MYOM2: variants seen among roughly 807,000 people sequenced by gnomAD.
MYOM2 encodes myomesin-2.
Under a neutral mutation model 187.6 loss-of-function variants are expected in MYOM2, and 254 were observed. The observed-to-expected ratio is 1.35, with a 90% confidence interval of 1.22 to 1.50. MYOM2 has a LOEUF of 1.50. Among genes scored for constraint, MYOM2 ranks in the 40% most tolerant of loss-of-function variants. The pLI is 0.00. For synonymous variants in MYOM2, 981 were observed against 753.8 expected (o/e 1.30, Z -4.94); for missense variants, 2,796 against 1,924.0 (o/e 1.45, Z -8.48).
At chr8:2,130,419 C>G (rs1797823299) in intron 32 of MYOM2, among the ~76,000 whole-genome samples, 1 of 151,766 alleles carries the variant, frequency 6.6e-6, no homozygotes, top group Non-Finnish European at 1.5e-5. Context: ...TAACGCCCAT[C>G]AGTACGCTAT....
At chr8:2,076,997 G>A (rs971707718) in intron 11 of MYOM2, among the ~76,000 whole-genome samples, 1 of 152,168 alleles carries the variant, frequency 6.6e-6, no homozygotes, top group African/African-American at 2.4e-5. Context: ...AATGAATTTA[G>A]AAATTAGACA....
At chr8:2,144,539 T>G (rs2116931520) in intron 36 of MYOM2, 125 bp from the exon 37 acceptor site, 1 of 1,012,224 alleles carries the variant, frequency 9.9e-7, no homozygotes, top group Non-Finnish European at 1.5e-6. Context: ...AAGGCTTGTT[T>G]CTAAACAAAC....
intron 14 of MYOM2, 121 bp from the exon 15 acceptor site, chr8:2,089,887 G>C: frequency 3.8e-6 from 3 of 792,516 alleles, no homozygotes; most frequent in Non-Finnish European, 5.9e-6. Context: ...TTGTGTGCGA[G>C]ACGCAGCGGG....
chr8:2,086,646 T>C (rs1256324038), intron 14 of MYOM2, among the ~76,000 whole-genome samples: 1 of 152,254 alleles, frequency 6.6e-6, no homozygotes, highest in African/African-American at 2.4e-5. Context: ...GGGCGGAAAT[T>C]GGCACCAGGG....
chr8:2,060,142 C>G (rs770785091), intron 6 of MYOM2, among the ~76,000 whole-genome samples: 4 of 152,144 alleles, frequency 2.6e-5, no homozygotes, highest in Non-Finnish European at 1.5e-5. Flanking sequence ...TGACATTACA[C>G]AAGTCAGCTT....
rs763197697 is a variant in MYOM2 at position 2,057,740 on chromosome 8, T to C, written c.520T>C (p.Cys174Arg). 3.7e-6 allele frequency: 6 copies of C among 1,614,118 alleles called. No individual in the cohort carries two copies. Among genetic ancestry groups the C allele is most frequent in the East Asian group, 4.5e-5 (2 of 44,866 alleles). Residue 174 changes from cysteine (C) to arginine (R), a missense_variant, in exon 5 of 37, where the codon TGC (cysteine) becomes CGC (arginine). Transcript: ENST00000262113. ...CTGGGAGAGGATGTCTGTGAAACTC[T>C]GCTTCACCGTGCAAGGATTTCCCAC... ...TVWERMSVKLCFTVQGFPTPV... is the reference protein window; with the variant it reads ...TVWERMSVKLRFTVQGFPTPV...
chr8:2,055,301 G>T (rs749951588), intron 3 of MYOM2, among the ~76,000 whole-genome samples: 1 of 152,194 alleles, frequency 6.6e-6, no homozygotes, highest in Non-Finnish European at 1.5e-5. Context: ...GGAGGATGAG[G>T]ACGTATGAAA....
intron 10 of MYOM2, among the ~76,000 whole-genome samples, 164 bp downstream of exon 10, chr8:2,073,664 C>T (rs574822988): frequency 1.1e-4 from 16 of 152,308 alleles, no homozygotes; most frequent in South Asian, 6.2e-4. Flanking sequence ...TGCATGGGCA[C>T]GCCAGGTGCT....
chr8:2,110,153 T>A (rs1032536985), intron 25 of MYOM2, among the ~76,000 whole-genome samples: 2 of 152,158 alleles, frequency 1.3e-5, no homozygotes, highest in Admixed American at 6.5e-5. Context: ...GGAGATCCCA[T>A]CTCTACAAAA....
intron 15 of MYOM2, among the ~76,000 whole-genome samples, chr8:2,091,793 C>A (rs1310729200): frequency 6.6e-6 from 1 of 152,174 alleles, no homozygotes; most frequent in Admixed American, 6.5e-5. Context: ...ATCACTGAGA[C>A]ACACTGTGGG....
chr8:2,111,532 G>A (rs931607493), intron 25 of MYOM2, among the ~76,000 whole-genome samples: 13 of 152,188 alleles, frequency 8.5e-5, no homozygotes, highest in African/African-American at 3.1e-4. Context: ...TGAGGATAAT[G>A]TCATACAAAT....
At chr8:2,052,603 C>G (rs1818529811) in intron 3 of MYOM2, among the ~76,000 whole-genome samples, 1 of 152,250 alleles carries the variant, frequency 6.6e-6, no homozygotes, top group African/African-American at 2.4e-5. Flanking sequence ...GATTCCATGT[C>G]TCACGCATGT....
intron 5 of MYOM2, among the ~76,000 whole-genome samples, chr8:2,058,307 C>T (rs1202605656): frequency 6.6e-6 from 1 of 152,150 alleles, no homozygotes; most frequent in Non-Finnish European, 1.5e-5. Context: ...GCATGAGCCA[C>T]ACGCCTGACC....
chr8:2,069,544 C>G (rs774187921), intron 8 of MYOM2, 47 bp downstream of exon 8: 1 of 1,595,378 alleles, frequency 6.3e-7, no homozygotes, highest in East Asian at 2.2e-5. Context: ...TGTTTAGTGA[C>G]ATAGCAGACA....
intron 3 of MYOM2, among the ~76,000 whole-genome samples, chr8:2,055,347 G>C (rs1021837087): frequency 6.6e-6 from 1 of 152,160 alleles, no homozygotes; most frequent in Non-Finnish European, 1.5e-5. Context: ...GGTGGCCCTA[G>C]GGGAGAGGCT....
chr8:2,089,796 A>G (rs754035316), intron 14 of MYOM2, among the ~76,000 whole-genome samples: 1 of 152,200 alleles, frequency 6.6e-6, no homozygotes, highest in African/African-American at 2.4e-5. Context: ...AGTAAACATG[A>G]TCAACTTTGG....
intron 28 of MYOM2, among the ~76,000 whole-genome samples, chr8:2,122,240 A>C (rs1399623814): frequency 6.6e-6 from 1 of 152,230 alleles, no homozygotes; most frequent in African/African-American, 2.4e-5. Flanking sequence ...GCCGCAGTCC[A>C]TTCTAAGATT....
At chr8:2,065,652 C>G (rs533827693) in intron 6 of MYOM2, among the ~76,000 whole-genome samples, 3 of 152,282 alleles carry the variant, frequency 2.0e-5, no homozygotes, top group South Asian at 4.1e-4. Context: ...TTCTTATTCT[C>G]TATTCTTCTC....
intron 21 of MYOM2, among the ~76,000 whole-genome samples, chr8:2,104,301 G>A (rs1011887357): frequency 7.2e-5 from 11 of 152,120 alleles, no homozygotes; most frequent in Non-Finnish European, 1.5e-4. Context: ...CTGGGTAATT[G>A]TTTTTAAAAG....
Sources: gnomAD v4.1 joint callset for allele counts (sites outside exome capture counted in the v4.1 genomes callset) on GRCh38, gnomAD v4.1.1 for gene constraint, MANE v1.5 for transcripts, NCBI Gene and HGNC (gene_info 2026-07-23, HGNC 2026-07-21) for gene names.